Variants in SNUPN observed in about 807,000 individuals in gnomAD.
SNUPN encodes snurportin-1.
Under a neutral mutation model 39.2 loss-of-function variants are expected in SNUPN, and 31 were observed. That is an observed-to-expected ratio of 0.79 (90% CI 0.59 to 1.07). The LOEUF (loss-of-function observed/expected upper bound fraction) is 1.07, where lower values mean the gene tolerates loss of function less well. Ranked by LOEUF, SNUPN falls within the 50% of genes least tolerant of loss-of-function variation. The pLI is 0.00. For missense variants in SNUPN, 382 were observed against 434.2 expected, an observed-to-expected ratio of 0.88 and a Z score of 1.07; for synonymous variants, 132 against 159.0, an observed-to-expected ratio of 0.83 and a Z score of 1.28.
chr15:75,619,022 TAAAAA>T (rs35749195), intron 2 of SNUPN, among the ~76,000 whole-genome samples: 6 of 74,352 alleles, frequency 8.1e-5, no homozygotes, highest in African/African-American at 3.5e-4. Flanking sequence ...CTACTTGTGT[TAAAAA>T]AAAAAAAAAA....
rs529625821 is a variant in SNUPN at position 75,609,781 on chromosome 15, A to C, written c.408+109T>G. The C allele has an allele frequency of 4.2e-5, 48 of 1,147,270 alleles. No homozygotes were observed. In the Admixed American group the frequency reaches 6.8e-4, roughly 16 times the overall value. 71.1% of individuals were successfully genotyped at this position (1,147,270 alleles called of 1,614,324 possible). On this transcript the variant is annotated intron_variant, in intron 4 of 8. Coordinates refer to ENST00000308588, the MANE Select transcript of SNUPN (RefSeq NM_005701.4). ...AAACCTTCCTGCAGGAAAGTGTTTC[A>C]AGCTCCACTCCAGGCACAGCTGTTG... is the stretch of plus-strand genomic sequence containing the variant.
chr15:75,609,077 G>A (rs1808190779), intron 5 of SNUPN, among the ~76,000 whole-genome samples: 1 of 147,000 alleles, frequency 6.8e-6, no homozygotes, highest in Non-Finnish European at 1.5e-5. Flanking sequence ...GTTGCAGTGA[G>A]CCAATATGGT....
chr15:75,602,276 C>G (rs192186019), intron 7 of SNUPN, among the ~76,000 whole-genome samples: 2 of 152,044 alleles, frequency 1.3e-5, no homozygotes, highest in Admixed American at 6.5e-5. Context: ...GCCTGTAATC[C>G]CAGCACTTTG....
intron 6 of SNUPN, among the ~76,000 whole-genome samples, chr15:75,606,889 A>C (rs995716362): frequency 2.6e-5 from 4 of 152,072 alleles, no homozygotes; most frequent in African/African-American, 9.7e-5. Context: ...TTGCCCCACA[A>C]TCTTCACTGC....
chr15:75,608,471 G>A (rs1184651623), intron 5 of SNUPN, among the ~76,000 whole-genome samples: 1 of 152,158 alleles, frequency 6.6e-6, no homozygotes, highest in Non-Finnish European at 1.5e-5. Flanking sequence ...AGCAAGCCCA[G>A]CTCTGCCAAT....
chr15:75,598,744 C>CTA, intron 8 of SNUPN, 63 bp from the exon 9 acceptor site: 1 of 1,344,164 alleles, frequency 7.4e-7, no homozygotes, highest in Non-Finnish European at 1.0e-6. Flanking sequence ...CCAGGAGAGC[C>CTA]TATACACACA....
intron 1 of SNUPN, chr15:75,622,281 G>C (rs1209995168): frequency 1.2e-6 from 1 of 818,210 alleles, no homozygotes; most frequent in African/African-American, 1.9e-5. Context: ...TCATATTCTA[G>C]TTGTGTTTTG....
At chr15:75,598,758 G>T in intron 8 of SNUPN, 77 bp from the exon 9 acceptor site, 3 of 1,183,494 alleles carry the variant, frequency 2.5e-6, no homozygotes, top group Non-Finnish European at 3.6e-6. Flanking sequence ...ACACACAAGG[G>T]CAGCTCTTGT....
At chr15:75,605,106 C>G (rs376898285) in intron 7 of SNUPN, 44 bp downstream of exon 7, 97 of 1,239,922 alleles carry the variant, frequency 7.8e-5, no homozygotes, top group Non-Finnish European at 1.1e-4. Context: ...CCAATCCACA[C>G]TACTCCCCAT....
intron 2 of SNUPN, 40 bp downstream of exon 2, chr15:75,620,854 T>C (rs1893050277): frequency 1.3e-5 from 21 of 1,590,958 alleles, no homozygotes; most frequent in Non-Finnish European, 1.8e-5. Context: ...TCATAGCTCC[T>C]AGCCCAGAGA....
chr15:75,617,631 G>A, intron 2 of SNUPN, 79 bp from the exon 3 acceptor site: 2 of 1,470,122 alleles, frequency 1.4e-6, no homozygotes, highest in Middle Eastern at 3.7e-4. Flanking sequence ...CTGTTGCCCA[G>A]GCTGGAATGG....
chr15:75,620,911 T>C lies in SNUPN; in HGVS notation c.141A>G (p.Leu47=). The change falls in exon 2 of 9, where the codon TTA becomes TTG. Residue 47 remains leucine, a synonymous_variant. Transcript: ENST00000308588. ...TTCCTTACGATTTCTGCAGTTCCAG[T>C]AACCTCCGGCGGCGCTCACTCTGCT... is the stretch of plus-strand genomic sequence containing the variant. The part of the protein sequence containing the change: ...SLEQSERRRR[L]LELQKSKRLD... 1.2e-6 allele frequency: 2 copies of C among 1,613,282 alleles called. No homozygotes were observed. The highest frequency in any genetic ancestry group is 1.7e-6 in the Non-Finnish European group (2 of 1,179,800).
intron 5 of SNUPN, among the ~76,000 whole-genome samples, chr15:75,608,798 A>C (rs2141367470): frequency 6.6e-6 from 1 of 152,232 alleles, no homozygotes; most frequent in East Asian, 1.9e-4. Context: ...CTTGAAGGGG[A>C]GGTCCTTGGT....
At position 75,598,681 on chromosome 15, in the gene SNUPN, C is replaced by A; in HGVS notation, c.760G>T (p.Val254Leu). The A allele has an allele frequency of 6.3e-7, 1 of 1,589,946 alleles. No homozygotes were observed. Among genetic ancestry groups the A allele is most frequent in the Non-Finnish European group, 8.6e-7 (1 of 1,163,532 alleles). ...DVLSMDFPFE[V>L]DGLLFYHKQT... ...TTGTGGTAGAAGAGAAGTCCATCTACCTATAAGACAAGGGGAAATTGAGGA... is the reference window on the plus strand; with the variant it reads ...TTGTGGTAGAAGAGAAGTCCATCTAACTATAAGACAAGGGGAAATTGAGGA... Residue 254 changes from valine (V) to leucine (L), a missense_variant and splice_region_variant, in exon 9 of 9, where the codon GTA becomes TTA. Val to Leu is a conservative substitution (Grantham distance 32). Transcript: ENST00000308588.
intron 8 of SNUPN, among the ~76,000 whole-genome samples, chr15:75,599,836 ATTTT>A (rs60918008): frequency 3.6e-5 from 5 of 140,516 alleles, no homozygotes; most frequent in Admixed American, 7.2e-5. Context: ...GACTGGGCAG[ATTTT>A]TTTTTTTTTT....
intron 6 of SNUPN, among the ~76,000 whole-genome samples, chr15:75,606,743 G>A (rs1460794215): frequency 6.6e-6 from 1 of 152,172 alleles, no homozygotes; most frequent in South Asian, 2.1e-4. Context: ...GTCATACCAA[G>A]GAGGCCCTGC....
Position 75,598,304 on chromosome 15 carries a change from G to C in SNUPN, c.*54C>G, listed in dbSNP as rs1450734553. The stretch of plus-strand genomic sequence containing the variant: ...CTGTTGTCACTGTCCTCCTCTCCAG[G>C]ATTCCTTTTGGGGCCAGGTACCATC... On this transcript the variant is annotated 3_prime_UTR_variant, in exon 9 of 9. Transcript: ENST00000308588. 6.2e-6 allele frequency: 9 copies of C among 1,444,024 alleles called. No homozygotes were observed. The African/African-American group carries it at 9.9e-5, about 16-fold the overall frequency. 89.5% of individuals were successfully genotyped at this position (1,444,024 alleles called of 1,614,324 possible).
At position 75,609,031 on chromosome 15, in the gene SNUPN, T is replaced by C. The variant is rs575788419; in HGVS notation, c.502+527A>G. On this transcript the variant is annotated intron_variant, in intron 5 of 8. Transcript: ENST00000308588. ...CTATAATCCCAGCTACTCAGGAGGCTGAGGCAGGAGAATCACTTGAACCCA... is the reference window on the plus strand; with the variant it reads ...CTATAATCCCAGCTACTCAGGAGGCCGAGGCAGGAGAATCACTTGAACCCA... 1.8e-3 allele frequency among the ~76,000 whole-genome samples: 271 copies of C among 151,062 alleles called. 1 individual carries two copies. The highest frequency in any genetic ancestry group is 6.2e-3 in the African/African-American group (256 of 41,212).
intron 3 of SNUPN, among the ~76,000 whole-genome samples, chr15:75,613,438 T>C (rs1338915323): frequency 6.7e-6 from 1 of 148,266 alleles, no homozygotes; most frequent in Non-Finnish European, 1.5e-5. Context: ...AAATCAGGAG[T>C]TCGAGACCAG....
Sources: allele counts gnomAD v4.1 joint callset (sites outside exome capture counted in the v4.1 genomes callset), GRCh38; gene constraint gnomAD v4.1.1; transcripts MANE v1.5; gene names NCBI Gene and HGNC (gene_info 2026-07-23, HGNC 2026-07-21).